Variants in PCDHA9 observed in about 807,000 individuals in gnomAD.
PCDHA9 encodes protocadherin alpha-9.
Under a neutral mutation model 62.0 loss-of-function variants are expected in PCDHA9, and 62 were observed. The ratio of observed to expected loss-of-function variants is 1.00; its 90% confidence interval spans 0.81 to 1.23. PCDHA9 has a LOEUF of 1.23. Among genes scored for constraint, PCDHA9 ranks in the 50% most tolerant of loss-of-function variants. The probability of loss-of-function intolerance (pLI) is 0.00; values close to 1 mark genes in which losing one functional copy is unlikely to be tolerated. For missense variants in PCDHA9, 1,205 were observed against 1,249.8 expected (o/e 0.96, Z 0.54); for synonymous variants, 557 against 567.6 (o/e 0.98, Z 0.27).
chr5:140,982,582 T>C lies in PCDHA9; in HGVS notation c.2542+19T>C. On this transcript the variant is annotated intron_variant, in intron 3 of 3. Transcript: ENST00000532602. ...ACACCAGGTAAAGAGCTGGGGTCTC[T>C]CCATTCTTTCTTGGTTTCTGGAAAG... 6.2e-7 allele frequency: 1 copy of C among 1,612,148 alleles called. No homozygotes were observed. Among genetic ancestry groups the C allele is most frequent in the Non-Finnish European group, 8.5e-7 (1 of 1,178,720 alleles).
intron 1 of PCDHA9, chr5:140,858,279 G>A: frequency 2.5e-6 from 4 of 1,597,396 alleles, no homozygotes; most frequent in South Asian, 1.1e-5. Flanking sequence ...AGCGCGGTGG[G>A]GAGCTGGTCT....
At chr5:140,922,839 C>T (rs2081023123) in intron 1 of PCDHA9, among the ~76,000 whole-genome samples, 1 of 152,140 alleles carries the variant, frequency 6.6e-6, no homozygotes, top group South Asian at 2.1e-4. Context: ...TAGATGTCCT[C>T]AAAGAGACCA....
chr5:140,957,100 T>C (rs2095333217), intron 1 of PCDHA9, among the ~76,000 whole-genome samples: 1 of 152,328 alleles, frequency 6.6e-6, no homozygotes, highest in Non-Finnish European at 1.5e-5. Flanking sequence ...AATATTGCTA[T>C]GGACATGATT....
At chr5:141,004,186 C>T (rs1554259505) in intron 3 of PCDHA9, among the ~76,000 whole-genome samples, 1 of 152,240 alleles carries the variant, frequency 6.6e-6, no homozygotes, top group Non-Finnish European at 1.5e-5. Flanking sequence ...CTTGAGTGCT[C>T]TTAACCAAAA....
intron 1 of PCDHA9, chr5:140,876,767 C>T (rs1462172871): frequency 1.2e-6 from 2 of 1,614,194 alleles, no homozygotes; most frequent in South Asian, 1.1e-5. Flanking sequence ...GATGGGGGCT[C>T]GCCTTCGCTG....
chr5:140,987,636 C>A (rs569411440), intron 3 of PCDHA9, among the ~76,000 whole-genome samples: 1 of 152,256 alleles, frequency 6.6e-6, no homozygotes, highest in African/African-American at 2.4e-5. Context: ...TGAGATAATG[C>A]ACACATATTG....
intron 1 of PCDHA9, chr5:140,875,768 G>C (rs997656321): frequency 6.2e-7 from 1 of 1,614,144 alleles, no homozygotes; most frequent in African/African-American, 1.3e-5. Flanking sequence ...TGCGGGCGGA[G>C]CGCGGAGTGC....
chr5:140,898,764 T>A (rs2066960471), intron 1 of PCDHA9, among the ~76,000 whole-genome samples: 1 of 152,192 alleles, frequency 6.6e-6, no homozygotes, highest in Non-Finnish European at 1.5e-5. Context: ...GCATTGAATC[T>A]GTAAATTACC....
At chr5:140,935,473 AT>A (rs2090393235) in intron 1 of PCDHA9, among the ~76,000 whole-genome samples, 1 of 152,212 alleles carries the variant, frequency 6.6e-6, no homozygotes, top group African/African-American at 2.4e-5. Context: ...AGTTTTTGTC[AT>A]TCTTTTCATT....
At chr5:140,929,370 C>T in intron 1 of PCDHA9, 1 of 1,515,732 alleles carries the variant, frequency 6.6e-7, no homozygotes, top group Non-Finnish European at 8.8e-7. Flanking sequence ...CCGGAGATGG[C>T]TGCTAGCTGT....
intron 1 of PCDHA9, chr5:140,884,124 G>C: frequency 6.2e-7 from 1 of 1,613,344 alleles, no homozygotes; most frequent in Non-Finnish European, 8.5e-7. Flanking sequence ...GTCGGCGCGC[G>C]CATCCCGTTC....
chr5:140,899,606 A>G (rs1330407383), intron 1 of PCDHA9, among the ~76,000 whole-genome samples: 1 of 152,168 alleles, frequency 6.6e-6, no homozygotes, highest in Non-Finnish European at 1.5e-5. Flanking sequence ...GGACTTTTGC[A>G]TCAATGTTCA....
At chr5:140,982,211 A>G (rs1554243869) in intron 2 of PCDHA9, 1 of 476,036 alleles carries the variant, frequency 2.1e-6, no homozygotes, top group African/African-American at 2.0e-5. Flanking sequence ...AGTGAGCGCC[A>G]CATGGCGTTA....
chr5:140,900,618 C>A (rs1382793608), intron 1 of PCDHA9, among the ~76,000 whole-genome samples: 1 of 152,180 alleles, frequency 6.6e-6, no homozygotes, highest in Non-Finnish European at 1.5e-5. Context: ...ATGTAGATTG[C>A]TTCCAAATCT....
intron 1 of PCDHA9, among the ~76,000 whole-genome samples, chr5:140,950,294 C>T (rs1396440202): frequency 6.6e-6 from 1 of 151,970 alleles, no homozygotes; most frequent in African/African-American, 2.4e-5. Context: ...ACCTGAAAAA[C>T]TTTACTTAGC....
chr5:140,937,259 G>T (rs1306999153), intron 1 of PCDHA9, among the ~76,000 whole-genome samples: 1 of 151,852 alleles, frequency 6.6e-6, no homozygotes, highest in African/African-American at 2.4e-5. Context: ...GGATGGTCTC[G>T]ATCTCCTGAC....
chr5:140,951,210 G>C (rs541010152), intron 1 of PCDHA9, among the ~76,000 whole-genome samples: 4 of 151,862 alleles, frequency 2.6e-5, no homozygotes, highest in African/African-American at 9.7e-5. Flanking sequence ...TGTCATCTCA[G>C]GTTTGGATTC....
chr5:140,908,431 G>A (rs949756474), intron 1 of PCDHA9, among the ~76,000 whole-genome samples: 4 of 152,152 alleles, frequency 2.6e-5, no homozygotes, highest in Non-Finnish European at 5.9e-5. Context: ...GCTGCTGTGC[G>A]CACCCCACTT....
chr5:140,876,774 G>A lies in PCDHA9; in HGVS notation c.2394+25885G>A, dbSNP rs370558767. 5.3e-5 allele frequency: 85 copies of A among 1,614,110 alleles called. No homozygotes were observed. The South Asian group carries it at 8.5e-4, about 16-fold the overall frequency. ...CTGCGCGGGATGGGGGCTCGCCTTC[G>A]CTGTGGGCCACGGCTAGAGTGTCCG... is the stretch of plus-strand genomic sequence containing the variant. On this transcript the variant is annotated intron_variant, in intron 1 of 3. Coordinates refer to ENST00000532602, the MANE Select transcript of PCDHA9 (RefSeq NM_031857.2).
Sources: allele counts gnomAD v4.1 joint callset (sites outside exome capture counted in the v4.1 genomes callset), GRCh38; gene constraint gnomAD v4.1.1; transcripts MANE v1.5; gene names NCBI Gene and HGNC (gene_info 2026-07-23, HGNC 2026-07-21).